ST7: variants seen among roughly 807,000 people sequenced by gnomAD.
ST7 encodes the protein suppression of tumorigenicity 7, also known as suppressor of tumorigenicity 7 protein.
Under a neutral mutation model 78.7 loss-of-function variants are expected in ST7, and 28 were observed. The observed-to-expected ratio is 0.36, with a 90% CI of 0.26 to 0.49. The LOEUF (loss-of-function observed/expected upper bound fraction) is 0.49, where lower values mean the gene tolerates loss of function less well. ST7 is among the 20% of genes least tolerant of loss of function. ST7 has a pLI of 0.99. For missense variants in ST7, 418 were observed against 696.0 expected (o/e 0.60, Z 4.49); for synonymous variants, 247 against 249.6 (o/e 0.99, Z 0.10).
chr7:116,985,032 A>G (rs28573769), intron 1 of ST7, among the ~76,000 whole-genome samples: 5,584 of 152,202 alleles, frequency 0.037, 344 homozygotes, highest in African/African-American at 0.12. Flanking sequence ...GCTTGTCCAT[A>G]TATTTGTGAG....
rs146566222 is a variant in ST7, at chr7:116,992,646, A to G, written c.151+38955A>G. On this transcript the variant is annotated intron_variant, in intron 1 of 15. Coordinates refer to ENST00000323984, the MANE Select transcript of ST7 (RefSeq NM_001369598.1). ...GACATACCCTGGAGACATTTTCCCCATTGTCTTGGAGATGAACATTCGGCT... is the reference window on the plus strand; with the variant it reads ...GACATACCCTGGAGACATTTTCCCCGTTGTCTTGGAGATGAACATTCGGCT... 5.5e-4 allele frequency among the ~76,000 whole-genome samples: 84 copies of G among 152,234 alleles called. 1 individual carries two copies. The East Asian group carries it at 0.015, about 28-fold the overall frequency.
At chr7:116,954,736 A>G (rs1792360615) in intron 1 of ST7, 1 of 158,422 alleles carries the variant, frequency 6.3e-6, no homozygotes. Flanking sequence ...GGAAATTCTT[A>G]CAGTCCTGAA....
chr7:117,119,493 T>C, intron 2 of ST7, 68 bp from the exon 3 acceptor site: 1 of 1,414,222 alleles, frequency 7.1e-7, no homozygotes, highest in East Asian at 2.5e-5. Context: ...TAACATGTTT[T>C]ATGGGCATGT....
chr7:117,071,831 A>G (rs979326242), intron 1 of ST7, among the ~76,000 whole-genome samples: 1 of 152,218 alleles, frequency 6.6e-6, no homozygotes, highest in Non-Finnish European at 1.5e-5. Context: ...ACAAAACTCT[A>G]TGCTATTTGG....
chr7:117,105,515 C>A (rs1049746301), intron 2 of ST7, among the ~76,000 whole-genome samples: 7 of 152,154 alleles, frequency 4.6e-5, no homozygotes, highest in African/African-American at 1.7e-4. Context: ...TTCCTGGGCT[C>A]AAGCAATACT....
At chr7:117,072,372 A>AAAAC (rs764458929) in intron 1 of ST7, 24 of 152,338 alleles carry the variant, frequency 1.6e-4, no homozygotes, top group East Asian at 5.8e-4. Context: ...CTGATGGAAA[A>AAAAC]AAACAAACAA....
chr7:117,161,702 C>T (rs529058928), intron 9 of ST7, among the ~76,000 whole-genome samples: 5 of 148,496 alleles, frequency 3.4e-5, no homozygotes, highest in African/African-American at 9.9e-5. Flanking sequence ...TGGGTTTAAG[C>T]GATTCTCCTG....
At chr7:117,171,163 A>T (rs993877188) in intron 10 of ST7, among the ~76,000 whole-genome samples, 187 bp downstream of exon 10, 9 of 152,176 alleles carry the variant, frequency 5.9e-5, no homozygotes, top group Non-Finnish European at 1.0e-4. Context: ...AGGACCAGAA[A>T]TGTCACATGG....
At chr7:117,103,211 T>A (rs1247893517) in intron 2 of ST7, among the ~76,000 whole-genome samples, 2 of 152,038 alleles carry the variant, frequency 1.3e-5, no homozygotes, top group Non-Finnish European at 2.9e-5. Flanking sequence ...GCAATCCCTA[T>A]CAAAATACCA....
At chr7:117,054,614 GTGCTA>G (rs1797969455) in intron 1 of ST7, among the ~76,000 whole-genome samples, 1 of 152,182 alleles carries the variant, frequency 6.6e-6, no homozygotes, top group South Asian at 2.1e-4. Context: ...TGCTATAAAT[GTGCTA>G]TGCTTGAGGT....
chr7:117,216,985 T>A (rs1016611251), intron 13 of ST7, among the ~76,000 whole-genome samples: 3 of 152,122 alleles, frequency 2.0e-5, no homozygotes, highest in African/African-American at 7.2e-5. Context: ...AAAGGCCAAC[T>A]TGACGCACAA....
At chr7:117,080,949 A>T (rs1251238653) in intron 1 of ST7, 1 of 152,206 alleles carries the variant, frequency 6.6e-6, no homozygotes, top group Non-Finnish European at 1.5e-5. Context: ...AGTGAAAAAG[A>T]TAGTCAAACA....
chr7:116,974,901 G>A (rs973038949), intron 1 of ST7, among the ~76,000 whole-genome samples: 1 of 152,176 alleles, frequency 6.6e-6, no homozygotes, highest in Non-Finnish European at 1.5e-5. Flanking sequence ...GCAAGTGCAG[G>A]TTCAGTACTT....
At chr7:117,161,591 C>CTTTTTTTTT (rs60505994) in intron 9 of ST7, among the ~76,000 whole-genome samples, 363 of 113,434 alleles carry the variant, frequency 3.2e-3, no homozygotes, top group Middle Eastern at 6.2e-3. Context: ...TTCTTTCTTT[C>CTTTTTTTTT]TTTTTTTTTT....
At chr7:116,969,072 A>G (rs184227862) in intron 1 of ST7, among the ~76,000 whole-genome samples, 13 of 152,348 alleles carry the variant, frequency 8.5e-5, no homozygotes, top group Admixed American at 2.0e-4. Flanking sequence ...ACAAGTGTTC[A>G]TATTGCTTTC....
chr7:117,179,867 A>G (rs1390265071), intron 10 of ST7, among the ~76,000 whole-genome samples: 1 of 152,192 alleles, frequency 6.6e-6, no homozygotes, highest in Non-Finnish European at 1.5e-5. Context: ...TACTTGAGAA[A>G]TCACAGTGGG....
chr7:116,995,392 T>C (rs1794607203), intron 1 of ST7, among the ~76,000 whole-genome samples: 1 of 152,184 alleles, frequency 6.6e-6, no homozygotes, highest in Non-Finnish European at 1.5e-5. Context: ...CTACCACCAA[T>C]GAAAGGCATT....
At chr7:117,175,178 C>A (rs1461814643) in intron 10 of ST7, among the ~76,000 whole-genome samples, 1 of 152,104 alleles carries the variant, frequency 6.6e-6, no homozygotes, top group Non-Finnish European at 1.5e-5. Context: ...GTAAGATGTT[C>A]ATTTAATTTG....
chr7:117,175,004 G>C (rs1217312493), intron 10 of ST7, among the ~76,000 whole-genome samples: 2 of 152,194 alleles, frequency 1.3e-5, no homozygotes, highest in African/African-American at 4.8e-5. Context: ...CCATGGTGCA[G>C]AATTTCAGTG....
Sources: allele counts gnomAD v4.1 joint callset (sites outside exome capture counted in the v4.1 genomes callset), GRCh38; gene constraint gnomAD v4.1.1; transcripts MANE v1.5; gene names NCBI Gene and HGNC (gene_info 2026-07-23, HGNC 2026-07-21).